Variants in PAM observed in about 807,000 individuals in gnomAD.
The protein encoded by PAM is peptidyl-glycine alpha-amidating monooxygenase.
PAM carries 72 observed loss-of-function variants against 122.1 expected under a neutral mutation model. The observed-to-expected ratio is 0.59, with a 90% CI of 0.49 to 0.72. The LOEUF is 0.72. PAM is among the 30% of genes least tolerant of loss of function. The pLI is 0.00. For synonymous variants in PAM, 389 were observed against 404.4 expected, an observed-to-expected ratio of 0.96 and a Z score of 0.46; for missense variants, 1,106 against 1,183.7, an observed-to-expected ratio of 0.93 and a Z score of 0.96.
chr5:102,898,751 T>G (rs1796869267), intron 3 of PAM, among the ~76,000 whole-genome samples: 1 of 151,652 alleles, frequency 6.6e-6, no homozygotes. Context: ...ACAACTAAAA[T>G]TGTGTCTAAG....
At chr5:103,014,239 T>C (rs1781402764) in intron 21 of PAM, among the ~76,000 whole-genome samples, 3 of 152,170 alleles carry the variant, frequency 2.0e-5, no homozygotes, top group Admixed American at 2.0e-4. Flanking sequence ...AACTAAGTGC[T>C]AAGCAAGAGG....
chr5:103,010,704 A>G (rs750350020), intron 21 of PAM, among the ~76,000 whole-genome samples: 1 of 152,204 alleles, frequency 6.6e-6, no homozygotes, highest in African/African-American at 2.4e-5. Context: ...ATGTTATGTT[A>G]TTTTTAAGAT....
At chr5:102,792,616 A>G (rs1762320627) in intron 1 of PAM, among the ~76,000 whole-genome samples, 1 of 152,200 alleles carries the variant, frequency 6.6e-6, no homozygotes, top group South Asian at 2.1e-4. Context: ...GTGTAATAAC[A>G]TGAAAGGCTG....
intron 16 of PAM, among the ~76,000 whole-genome samples, chr5:102,994,334 T>A (rs1281950713): frequency 6.6e-6 from 1 of 152,202 alleles, no homozygotes; most frequent in East Asian, 1.9e-4. Context: ...GATTAATTTA[T>A]TCCCATTTAT....
intron 14 of PAM, among the ~76,000 whole-genome samples, chr5:102,971,076 AT>A (rs1394506853): frequency 1.3e-5 from 2 of 152,332 alleles, no homozygotes; most frequent in African/African-American, 4.8e-5. Context: ...CAGTGCTGGG[AT>A]TACAGGCATG....
At chr5:102,902,264 G>A (rs1798186189) in intron 4 of PAM, among the ~76,000 whole-genome samples, 1 of 151,524 alleles carries the variant, frequency 6.6e-6, no homozygotes, top group African/African-American at 2.4e-5. Flanking sequence ...TAGCCTTGGG[G>A]CAGTCTGAGG....
At chr5:102,943,308 A>T (rs191533812) in intron 7 of PAM, among the ~76,000 whole-genome samples, 1 of 152,276 alleles carries the variant, frequency 6.6e-6, no homozygotes, top group East Asian at 1.9e-4. Context: ...TATTCCACAT[A>T]ATTTACTACT....
chr5:102,858,604 C>T (rs1783253083), intron 1 of PAM, among the ~76,000 whole-genome samples: 2 of 152,172 alleles, frequency 1.3e-5, no homozygotes, highest in African/African-American at 4.8e-5. Flanking sequence ...ACCTAACTTT[C>T]AGATAGCAGT....
At chr5:102,853,441 T>C (rs1315286743) in intron 1 of PAM, among the ~76,000 whole-genome samples, 2 of 152,198 alleles carry the variant, frequency 1.3e-5, no homozygotes, top group African/African-American at 4.8e-5. Flanking sequence ...GATGTTCTAG[T>C]ACTCTGAAAT....
chr5:102,851,998 A>G (rs889908326), intron 1 of PAM, among the ~76,000 whole-genome samples: 1 of 152,242 alleles, frequency 6.6e-6, no homozygotes, highest in Non-Finnish European at 1.5e-5. Flanking sequence ...ATGCCAAAAA[A>G]GCAGTAATCT....
chr5:102,926,452 A>G (rs1362947706), intron 6 of PAM, 133 bp from the exon 7 acceptor site: 3 of 602,554 alleles, frequency 5.0e-6, no homozygotes, highest in Non-Finnish European at 8.8e-6. Flanking sequence ...TCAATGGTAT[A>G]TTTCTGTTTT....
At chr5:102,895,566 GC>G (rs1795979455) in intron 3 of PAM, among the ~76,000 whole-genome samples, 1 of 151,576 alleles carries the variant, frequency 6.6e-6, no homozygotes, top group South Asian at 2.1e-4. Context: ...ATTAGAACAG[GC>G]CTGGGGGGAA....
At chr5:102,862,190 T>A (rs1217109487) in intron 1 of PAM, among the ~76,000 whole-genome samples, 1 of 148,064 alleles carries the variant, frequency 6.8e-6, no homozygotes, top group African/African-American at 2.5e-5. Flanking sequence ...AAAAAAAAAA[T>A]TGCCTGTGGC....
rs115111121 is a variant in PAM, at chr5:102,872,513, A to G, written c.210+5120A>G. Among the ~76,000 whole-genome samples the G allele has an allele frequency of 9.8e-3, 1,487 of 152,288 alleles. 15 individuals carry two copies. The highest frequency in any genetic ancestry group is 0.033 in the African/African-American group (1,385 of 41,550). On this transcript the variant is annotated intron_variant, in intron 3 of 25. Coordinates refer to ENST00000438793, the MANE Select transcript of PAM (RefSeq NM_001177306.2). ...CGTACTTTAACTTCTTCATTTTCTAACATGAGGAAGAGATTCCCTTGCCTC... is the reference window on the plus strand; with the variant it reads ...CGTACTTTAACTTCTTCATTTTCTAGCATGAGGAAGAGATTCCCTTGCCTC...
chr5:102,978,972 G>A (rs1768724322), intron 15 of PAM, among the ~76,000 whole-genome samples: 1 of 151,636 alleles, frequency 6.6e-6, no homozygotes, highest in Admixed American at 6.6e-5. Context: ...AAACCAAGAT[G>A]CAAAGCCAGG....
At chr5:102,978,963 A>G (rs1453232535) in intron 15 of PAM, among the ~76,000 whole-genome samples, 1 of 151,914 alleles carries the variant, frequency 6.6e-6, no homozygotes, top group African/African-American at 2.4e-5. Context: ...CAGCTCAAGA[A>G]ACCAAGATGC....
chr5:102,960,068 T>G lies in PAM; in HGVS notation c.1090+9T>G. 7.0e-7 allele frequency: 1 copy of G among 1,437,556 alleles called. No individual in the cohort carries two copies. Among genetic ancestry groups the G allele is most frequent in the Non-Finnish European group, 9.7e-7 (1 of 1,034,604 alleles). The allele number at this position is 1,437,556 out of a possible 1,614,324, so 89.1% of individuals were successfully genotyped here. ...GCATGAACATCATAAAGGTAATAAT[T>G]GATGTTTAATATAAAGTAATATATG... On this transcript the variant is annotated intron_variant, in intron 13 of 25. Coordinates refer to ENST00000438793, the MANE Select transcript of PAM (RefSeq NM_001177306.2).
At chr5:102,883,759 A>C (rs1463925793) in intron 3 of PAM, among the ~76,000 whole-genome samples, 1 of 151,954 alleles carries the variant, frequency 6.6e-6, no homozygotes, top group African/African-American at 2.4e-5. Context: ...GTTGAACAGA[A>C]GTGGTGAAAG....
chr5:102,808,688 G>C (rs1459509987), intron 1 of PAM, among the ~76,000 whole-genome samples: 1 of 152,182 alleles, frequency 6.6e-6, no homozygotes, highest in African/African-American at 2.4e-5. Flanking sequence ...CTAGAAAGAA[G>C]AACCATGCTG....
Sources: allele counts gnomAD v4.1 joint callset (sites outside exome capture counted in the v4.1 genomes callset), GRCh38; gene constraint gnomAD v4.1.1; transcripts MANE v1.5; gene names NCBI Gene and HGNC (gene_info 2026-07-23, HGNC 2026-07-21).